Variants in XPO7 observed in about 807,000 individuals in gnomAD.
XPO7 encodes exportin-7.
Under a neutral mutation model 144.3 loss-of-function variants are expected in XPO7, and 21 were observed. That is an observed-to-expected ratio of 0.15 (90% confidence interval 0.10 to 0.21). The LOEUF (loss-of-function observed/expected upper bound fraction) is 0.21. Among genes scored for constraint, XPO7 ranks in the 10% least tolerant of loss-of-function variants. The probability of loss-of-function intolerance (pLI) is 1.00; values close to 1 mark genes in which losing one functional copy is unlikely to be tolerated. For synonymous variants in XPO7, 580 were observed against 499.6 expected, an observed-to-expected ratio of 1.16 and a Z score of -2.15; for missense variants, 808 against 1,325.8, an observed-to-expected ratio of 0.61 and a Z score of 6.06.
At chr8:21,982,612 T>G in intron 10 of XPO7, 28 bp from the exon 11 acceptor site, 1 of 1,548,216 alleles carries the variant, frequency 6.5e-7, no homozygotes, top group Non-Finnish European at 8.7e-7. Flanking sequence ...ATGAAAAATA[T>G]GCCTTCTGCT....
At chr8:21,979,559 C>T (rs1812336907) in intron 8 of XPO7, among the ~76,000 whole-genome samples, 1 of 151,936 alleles carries the variant, frequency 6.6e-6, no homozygotes, top group Non-Finnish European at 1.5e-5. Context: ...ACGTGCCTGC[C>T]ACCACGCCCA....
Position 21,981,780 on chromosome 8 carries a change from G to C in XPO7, c.1007G>C (p.Arg336Pro). The change falls in exon 10 of 28, where the codon CGA (arginine) becomes CCA (proline). Residue 336 changes from arginine to proline, a missense_variant. Physicochemically the swap from Arg to Pro is moderately radical, Grantham distance 103 (BLOSUM62 -2). Around this residue, in one of 5 missense-constraint regions of XPO7, gnomAD observed 26 missense variants for 85.8 expected, o/e 0.30. Transcript: ENST00000252512. ...CATGAGTTTTGCAGACTACTGGCCC[G>C]ATTGAAGAGTAACTATCAACTGGGA... ...NYHEFCRLLA[R>P]LKSNYQLGEL... The C allele has an allele frequency of 6.2e-7, 1 of 1,613,874 alleles. No individual in the cohort carries two copies.
At chr8:22,003,795 C>A in intron 26 of XPO7, 108 bp from the exon 27 acceptor site, 2 of 1,495,684 alleles carry the variant, frequency 1.3e-6, no homozygotes, top group South Asian at 1.3e-5. Flanking sequence ...TTTTAGTAGA[C>A]ATTCCATTCC....
At chr8:21,927,141 G>C (rs761498709) in intron 1 of XPO7, among the ~76,000 whole-genome samples, 4 of 151,810 alleles carry the variant, frequency 2.6e-5, no homozygotes, top group African/African-American at 4.8e-5. Context: ...CCCAGCTACT[G>C]GGGGGGAGGC....
At chr8:21,984,254 A>G (rs571094249) in intron 11 of XPO7, among the ~76,000 whole-genome samples, 5 of 152,294 alleles carry the variant, frequency 3.3e-5, no homozygotes, top group Admixed American at 2.6e-4. Context: ...ATTCCAAGAC[A>G]CACCTGGCCA....
chr8:21,982,676 C>T lies in XPO7; in HGVS notation c.1141C>T (p.Leu381=), dbSNP rs1225716025. 1 of 1,608,830 alleles carries T rather than the reference C, an allele frequency of 6.2e-7. No homozygotes were observed. Among genetic ancestry groups the T allele is most frequent in the South Asian group, 1.1e-5 (1 of 90,164 alleles). Reference sequence around the variant, plus strand: ...TGCTCCAAATAGTGTGCACTATCTTCTGAGCCTGTGGCAGCGGCTGGCAGC... The same window carrying T: ...TGCTCCAAATAGTGTGCACTATCTTTTGAGCCTGTGGCAGCGGCTGGCAGC... ...EFAPNSVHYL[L]SLWQRLAASV... The change falls in exon 11 of 28, where the codon CTG becomes TTG. Residue 381 remains leucine (L), a synonymous_variant. Coordinates refer to ENST00000252512, the MANE Select transcript of XPO7 (RefSeq NM_015024.5).
At chr8:21,990,468 A>T in intron 17 of XPO7, 61 bp downstream of exon 17, 1 of 1,577,878 alleles carries the variant, frequency 6.3e-7, no homozygotes, top group Non-Finnish European at 8.7e-7. Flanking sequence ...CTTTCTCGAC[A>T]CATAAAGGAG....
At chr8:21,925,035 G>A (rs1040493447) in intron 1 of XPO7, among the ~76,000 whole-genome samples, 22 of 152,214 alleles carry the variant, frequency 1.4e-4, no homozygotes, top group African/African-American at 4.6e-4. Flanking sequence ...TGAATTTGTA[G>A]TGAGACTGGT....
chr8:21,999,752 C>T lies in XPO7; in HGVS notation c.2782+78C>T, dbSNP rs960603269. 83 of 1,572,080 alleles carry T rather than the reference C, an allele frequency of 5.3e-5. 1 individual carries two copies. The Admixed American group carries it at 8.6e-4, about 16-fold the overall frequency. On this transcript the variant is annotated intron_variant, in intron 24 of 27. Transcript: ENST00000252512. ...ACTAAACAGAAAGAGAGAATCTTGC[C>T]CCAGTGTCCAAAAAGATCACCACTG...
chr8:21,931,288 A>T (rs1460470970), intron 1 of XPO7, among the ~76,000 whole-genome samples: 1 of 151,504 alleles, frequency 6.6e-6, no homozygotes, highest in Non-Finnish European at 1.5e-5. Flanking sequence ...TCAGCCTCCC[A>T]AGTAGCTGGG....
intron 1 of XPO7, among the ~76,000 whole-genome samples, chr8:21,943,891 T>G (rs1811074750): frequency 6.6e-6 from 1 of 152,198 alleles, no homozygotes; most frequent in South Asian, 2.1e-4. Flanking sequence ...GAGAGTAGTA[T>G]GATCTGAATA....
intron 1 of XPO7, chr8:21,966,173 TTGTCTTATC>T (rs1275039760): frequency 1.5e-6 from 1 of 678,374 alleles, no homozygotes; most frequent in Non-Finnish European, 2.7e-6. Context: ...GGTGTTTCCC[TTGTCTTATC>T]TGTGAGTGAG....
chr8:21,995,299 G>A (rs1046942072), intron 20 of XPO7, among the ~76,000 whole-genome samples, 193 bp from the exon 21 acceptor site: 3 of 152,110 alleles, frequency 2.0e-5, no homozygotes, highest in Non-Finnish European at 4.4e-5. Flanking sequence ...ATTATGAGAT[G>A]CCTTTCACAG....
At chr8:21,957,908 G>A (rs1297085704) in intron 1 of XPO7, among the ~76,000 whole-genome samples, 3 of 151,490 alleles carry the variant, frequency 2.0e-5, no homozygotes, top group Non-Finnish European at 4.4e-5. Context: ...CATGTTTCTT[G>A]CAGTTTTGTG....
intron 1 of XPO7, among the ~76,000 whole-genome samples, chr8:21,926,628 G>C (rs192512843): frequency 2.8e-5 from 2 of 71,556 alleles, no homozygotes; most frequent in African/African-American, 5.8e-5. Context: ...CCAAAAAGAC[G>C]TTGTCTAAAA....
intron 1 of XPO7, among the ~76,000 whole-genome samples, chr8:21,945,033 G>C (rs532302307): frequency 3.3e-5 from 5 of 152,170 alleles, no homozygotes; most frequent in Admixed American, 1.3e-4. Context: ...GTAACAATCT[G>C]ATCTCTCTTT....
intron 21 of XPO7, among the ~76,000 whole-genome samples, chr8:21,996,272 G>A (rs555289351): frequency 3.9e-5 from 6 of 152,294 alleles, no homozygotes; most frequent in South Asian, 2.1e-4. Context: ...AAAATTAGCT[G>A]GGCATGGTGG....
intron 24 of XPO7, among the ~76,000 whole-genome samples, chr8:22,000,162 C>T (rs1585485016): frequency 6.6e-6 from 1 of 152,160 alleles, no homozygotes; most frequent in Non-Finnish European, 1.5e-5. Flanking sequence ...GGGTTCCTAG[C>T]AGCAGAGACA....
intron 4 of XPO7, among the ~76,000 whole-genome samples, chr8:21,971,285 A>G (rs1168294166): frequency 5.9e-5 from 9 of 152,216 alleles, no homozygotes; most frequent in Non-Finnish European, 1.3e-4. Flanking sequence ...ACGTGTCGCC[A>G]TCATTCAGTG....
Sources: gnomAD v4.1 joint callset for allele counts (sites outside exome capture counted in the v4.1 genomes callset) on GRCh38, gnomAD v4.1.1 for gene constraint, gnomAD v4.1.1 regional missense constraint, MANE v1.5 for transcripts, NCBI Gene and HGNC (gene_info 2026-07-23, HGNC 2026-07-21) for gene names.